CDIN1: variants seen among roughly 807,000 people sequenced by gnomAD.
CDIN1 encodes the protein CDAN1-interacting nuclease 1.
CDIN1 carries 33 observed loss-of-function variants against 45.3 expected under a neutral mutation model. The ratio of observed to expected loss-of-function variants is 0.73; its 90% CI spans 0.55 to 0.97. The LOEUF is 0.97. Among genes scored for constraint, CDIN1 ranks in the 50% least tolerant of loss-of-function variants. The pLI is 0.00. For missense variants in CDIN1, 303 were observed against 339.4 expected, an observed-to-expected ratio of 0.89 and a Z score of 0.84; for synonymous variants, 118 against 124.4, an observed-to-expected ratio of 0.95 and a Z score of 0.34.
chr15:36,795,105 A>T (rs2054759627), intron 10 of CDIN1, among the ~76,000 whole-genome samples: 1 of 152,218 alleles, frequency 6.6e-6, no homozygotes, highest in Admixed American at 6.5e-5. Context: ...GGTAAAGAGT[A>T]GAGTGACAGC....
chr15:36,708,824 A>G (rs953884529), intron 8 of CDIN1: 2 of 154,762 alleles, frequency 1.3e-5, no homozygotes, highest in African/African-American at 4.8e-5. Context: ...ATAACTGTGA[A>G]GGCCACTGTG....
chr15:36,641,098 C>T (rs2040086485), intron 1 of CDIN1: 1 of 152,200 alleles, frequency 6.6e-6, no homozygotes, highest in Non-Finnish European at 1.5e-5. Context: ...CAATCCCTCT[C>T]AAGTGTTCCA....
chr15:36,579,758 G>A lies in CDIN1; in HGVS notation c.-103G>A, dbSNP rs2036950137. On this transcript the variant is annotated 5_prime_UTR_variant, in exon 1 of 11. Transcript: ENST00000566621. ...GGCAAGCCAAGCAGGCGAGGACCCGGGCCTGTGCCGCTTTGCCTACCCCTC... is the reference window on the plus strand; with the variant it reads ...GGCAAGCCAAGCAGGCGAGGACCCGAGCCTGTGCCGCTTTGCCTACCCCTC... 1 of 907,362 alleles carries A rather than the reference G, an allele frequency of 1.1e-6. No homozygotes were observed. Among genetic ancestry groups the A allele is most frequent in the Admixed American group, 2.3e-5 (1 of 43,002 alleles). The allele number at this position is 907,362 out of a possible 1,614,324, so 56.2% of individuals were successfully genotyped here. A position where few individuals can be genotyped will look rare whatever the true frequency, so the allele number is the denominator to read the frequency against.
At position 36,589,751 on chromosome 15, in the gene CDIN1, G is replaced by A. The variant is rs186063026; in HGVS notation, c.101+9790G>A. Among the ~76,000 whole-genome samples, 1,095 of 152,020 alleles carry A rather than the reference G, an allele frequency of 7.2e-3. 14 individuals are homozygous for A. Among genetic ancestry groups the A allele is most frequent in the African/African-American group, 0.025 (1,023 of 41,438 alleles). On this transcript the variant is annotated intron_variant, in intron 1 of 10. Transcript: ENST00000566621. Reference sequence around the variant, plus strand: ...GATCTCCTGACCTCGTGATCTGCCCGCCTCGGCCTCCCAAAGTGCTGGGAT... The same window carrying A: ...GATCTCCTGACCTCGTGATCTGCCCACCTCGGCCTCCCAAAGTGCTGGGAT...
intron 1 of CDIN1, among the ~76,000 whole-genome samples, chr15:36,590,954 A>G (rs1045707126): frequency 4.6e-5 from 7 of 152,228 alleles, no homozygotes; most frequent in African/African-American, 1.4e-4. Flanking sequence ...TATACTCAGC[A>G]CATTTATGAA....
chr15:36,716,634 C>G (rs1418553441), intron 10 of CDIN1, among the ~76,000 whole-genome samples: 3 of 152,086 alleles, frequency 2.0e-5, no homozygotes, highest in Non-Finnish European at 4.4e-5. Flanking sequence ...GCAGTGCAGC[C>G]TGGACTCTGG....
intron 1 of CDIN1, among the ~76,000 whole-genome samples, chr15:36,634,303 G>T (rs1301080723): frequency 1.5e-5 from 2 of 133,996 alleles, no homozygotes; most frequent in African/African-American, 5.7e-5. Flanking sequence ...GGTGGTGCAT[G>T]CCTGAAACCC....
intron 1 of CDIN1, among the ~76,000 whole-genome samples, chr15:36,602,640 T>G (rs989289427): frequency 5.3e-5 from 8 of 152,184 alleles, no homozygotes; most frequent in African/African-American, 1.7e-4. Context: ...GAAGTTGGTT[T>G]TCTTGTGTAA....
At chr15:36,593,344 G>A (rs1016287920) in intron 1 of CDIN1, among the ~76,000 whole-genome samples, 1 of 152,150 alleles carries the variant, frequency 6.6e-6, no homozygotes, top group Non-Finnish European at 1.5e-5. Context: ...AGGGGGTTAT[G>A]CATTTATGAA....
chr15:36,749,905 T>G (rs2053412733), intron 10 of CDIN1, among the ~76,000 whole-genome samples: 1 of 152,256 alleles, frequency 6.6e-6, no homozygotes, highest in Admixed American at 6.5e-5. Flanking sequence ...ACCAACCAGG[T>G]CCCCCGACCT....
Position 36,644,996 on chromosome 15 carries a change from A to T in CDIN1, c.148-227A>T, listed in dbSNP as rs375087588. Among the ~76,000 whole-genome samples the T allele has an allele frequency of 2.0e-5, 3 of 152,170 alleles. No homozygotes were observed. In the East Asian group the frequency reaches 5.8e-4, roughly 29 times the overall value. On this transcript the variant is annotated intron_variant, in intron 2 of 10. Transcript: ENST00000566621. Reference sequence around the variant, plus strand: ...CTGTTGGCTTTTACATATATACCGTACCTTGTGGTACAGTCTGAAGACATC... The same window carrying T: ...CTGTTGGCTTTTACATATATACCGTTCCTTGTGGTACAGTCTGAAGACATC...
At chr15:36,638,218 G>A (rs1314684915) in intron 1 of CDIN1, among the ~76,000 whole-genome samples, 1 of 152,116 alleles carries the variant, frequency 6.6e-6, no homozygotes, top group African/African-American at 2.4e-5. Flanking sequence ...GTATATGTGT[G>A]TGTATATAGA....
intron 10 of CDIN1, among the ~76,000 whole-genome samples, chr15:36,786,802 A>G (rs2054503191): frequency 1.3e-5 from 2 of 152,016 alleles, no homozygotes; most frequent in Admixed American, 1.3e-4. Flanking sequence ...AGTACCTCCT[A>G]GTTGTCAGAC....
In CDIN1 at chr15:36,709,289, G is replaced by C; in HGVS notation, c.610+1G>C. The C allele has an allele frequency of 1.9e-6, 3 of 1,599,382 alleles. No individual in the cohort carries two copies. The highest frequency in any genetic ancestry group is 1.7e-6 in the Non-Finnish European group (2 of 1,172,438). Reference sequence around the variant, plus strand: ...GACTTCATTTTACAAGTACCAGTTGGTAAGTTCTTTAACTCTGTTATGCAT... The same window carrying C: ...GACTTCATTTTACAAGTACCAGTTGCTAAGTTCTTTAACTCTGTTATGCAT... On this transcript the variant is annotated splice_donor_variant, in intron 9 of 10. Transcript: ENST00000566621. LOFTEE classifies it high-confidence loss of function.
intron 5 of CDIN1, among the ~76,000 whole-genome samples, chr15:36,662,854 G>GTTTTTTTTTTTTTTTTTTTTTTATT (rs34007525): frequency 8.1e-6 from 1 of 122,944 alleles, no homozygotes; most frequent in Non-Finnish European, 1.6e-5. Context: ...TCAGATTTTA[G>GTTTTTTTTTTTTTTTTTTTTTTATT]TTTTTTTTTT....
At chr15:36,687,865 A>G (rs933894258) in intron 5 of CDIN1, among the ~76,000 whole-genome samples, 4 of 152,148 alleles carry the variant, frequency 2.6e-5, no homozygotes, top group African/African-American at 9.7e-5. Context: ...AACACAAGGA[A>G]AGTGAAACAA....
At chr15:36,797,425 T>G (rs1006136087) in intron 10 of CDIN1, among the ~76,000 whole-genome samples, 16 of 152,164 alleles carry the variant, frequency 1.1e-4, no homozygotes, top group Admixed American at 6.5e-4. Flanking sequence ...GTGCAGCAAT[T>G]GGCTCCCAAG....
chr15:36,792,062 G>A (rs2054659546), intron 10 of CDIN1, among the ~76,000 whole-genome samples: 1 of 152,138 alleles, frequency 6.6e-6, no homozygotes, highest in Non-Finnish European at 1.5e-5. Context: ...TGTCACCCAG[G>A]ATGAGGCAGT....
At chr15:36,662,789 G>A (rs2041067881) in intron 5 of CDIN1, among the ~76,000 whole-genome samples, 1 of 150,378 alleles carries the variant, frequency 6.6e-6, no homozygotes, top group Non-Finnish European at 1.5e-5. Flanking sequence ...TATCATGTGT[G>A]TACGTAACAC....
Sources: allele counts gnomAD v4.1 joint callset (sites outside exome capture counted in the v4.1 genomes callset), GRCh38; gene constraint gnomAD v4.1.1; transcripts MANE v1.5; gene names NCBI Gene and HGNC (gene_info 2026-07-23, HGNC 2026-07-21).